Variants in TRMT6 observed in about 807,000 individuals in gnomAD.
TRMT6 encodes tRNA methyltransferase 6 non-catalytic subunit.
A neutral mutation model predicts 59.0 loss-of-function variants in TRMT6; 34 were observed. The ratio of observed to expected loss-of-function variants is 0.58; its 90% CI spans 0.44 to 0.77. TRMT6 has a LOEUF of 0.77. Among genes scored for constraint, TRMT6 ranks in the 30% least tolerant of loss-of-function variants. TRMT6 has a pLI of 0.00. For missense variants in TRMT6, 575 were observed against 604.5 expected, an observed-to-expected ratio of 0.95 and a Z score of 0.51; for synonymous variants, 217 against 210.5, an observed-to-expected ratio of 1.03 and a Z score of -0.27.
chr20:5,941,395 G>T, intron 8 of TRMT6, 50 bp from the exon 9 acceptor site: 1 of 1,360,630 alleles, frequency 7.3e-7, no homozygotes, highest in Non-Finnish European at 1.0e-6. Context: ...TCAAAGTGGA[G>T]CACAGGTTTT....
intron 5 of TRMT6, 92 bp from the exon 6 acceptor site, chr20:5,943,775 T>C (rs2088680455): frequency 1.9e-6 from 3 of 1,550,800 alleles, no homozygotes; most frequent in Non-Finnish European, 2.6e-6. Flanking sequence ...TTTATTAAAA[T>C]TGTGTTGATA....
Position 5,937,465 on chromosome 20 carries a change from C to T in TRMT6, c.*1070G>A, listed in dbSNP as rs909746195. 16 of 152,212 alleles carry T rather than the reference C, an allele frequency of 1.1e-4. No homozygotes were observed. Among genetic ancestry groups the T allele is most frequent in the African/African-American group, 3.6e-4 (15 of 41,450 alleles). 9.4% of individuals were successfully genotyped at this position (152,212 alleles called of 1,614,324 possible). ...AGCCTTGGCTGATTCTAAACACTTT[C>T]TTTGCTACAGCACATGATCAAATGA... On this transcript the variant is annotated 3_prime_UTR_variant, in exon 11 of 11. Transcript: ENST00000203001.
chr20:5,943,485 G>A lies in TRMT6; in HGVS notation c.667+74C>T, dbSNP rs904065178. 3.2e-6 allele frequency: 5 copies of A among 1,580,666 alleles called. No homozygotes were observed. In the East Asian group the frequency reaches 1.1e-4, roughly 35 times the overall value. On this transcript the variant is annotated intron_variant, in intron 6 of 10. Coordinates refer to ENST00000203001, the MANE Select transcript of TRMT6 (RefSeq NM_015939.5). ...GAAGTAATTCAATTTGGCTTTCCAT[G>A]AGTTTACATTTTTGGACCACCTTTA...
rs749096459 is a variant in TRMT6 at position 5,946,550 on chromosome 20, A to AT, written c.129-18dup. The AT allele has an allele frequency of 1.9e-6, 3 of 1,612,248 alleles. No homozygotes were observed. Among genetic ancestry groups the AT allele is most frequent in the Non-Finnish European group, 2.5e-6 (3 of 1,178,404 alleles). ...GTTACTTTTCTAGGGAAAAAAAGTA[A>AT]TCAATTAACTGAATATCTTTTCTAT... On this transcript the variant is annotated splice_polypyrimidine_tract_variant and intron_variant, in intron 1 of 10. Transcript: ENST00000203001.
intron 2 of TRMT6, among the ~76,000 whole-genome samples, chr20:5,945,643 G>T (rs1303405831): frequency 6.6e-6 from 1 of 152,066 alleles, no homozygotes; most frequent in African/African-American, 2.4e-5. Context: ...CATATATTTG[G>T]TGCTTAGTAA....
intron 5 of TRMT6, 66 bp downstream of exon 5, chr20:5,943,882 T>TA: frequency 1.3e-6 from 2 of 1,566,524 alleles, no homozygotes; most frequent in Non-Finnish European, 1.7e-6. Flanking sequence ...TCATTTTACT[T>TA]AAAATCATGA....
chr20:5,941,469 A>C (rs568596412), intron 8 of TRMT6, 124 bp from the exon 9 acceptor site: 122 of 720,918 alleles, frequency 1.7e-4, no homozygotes, highest in Admixed American at 5.2e-4. Flanking sequence ...AGATTTAAAT[A>C]TAACATTCTA....
In TRMT6 at chr20:5,950,267, A is replaced by C. The variant is rs1212609087; in HGVS notation, c.128+11T>G. The C allele has an allele frequency of 1.3e-6, 2 of 1,596,090 alleles. No homozygotes were observed. Among genetic ancestry groups the C allele is most frequent in the Admixed American group, 1.7e-5 (1 of 59,216 alleles). On this transcript the variant is annotated intron_variant, in intron 1 of 10. Coordinates refer to ENST00000203001, the MANE Select transcript of TRMT6 (RefSeq NM_015939.5). ...GGGCGGGAGACCCCTAAAATCAGCGATCTGACTTACTTTCTCCGCTGGACT... is the reference window on the plus strand; with the variant it reads ...GGGCGGGAGACCCCTAAAATCAGCGCTCTGACTTACTTTCTCCGCTGGACT...
chr20:5,950,436 G>C lies in TRMT6; in HGVS notation c.-31C>G. On this transcript the variant is annotated 5_prime_UTR_variant, in exon 1 of 11. Transcript: ENST00000203001. ...TCAGCCGGTCGCCGTGCTCCACGGC[G>C]TCCCGCCCCTCCTCCTCGGTTGTCG... The C allele has an allele frequency of 1.3e-6, 2 of 1,511,958 alleles. No homozygotes were observed. The highest frequency in any genetic ancestry group is 1.8e-6 in the Non-Finnish European group (2 of 1,134,580). The allele number at this position is 1,511,958 out of a possible 1,614,324, so 93.7% of individuals were successfully genotyped here.
At chr20:5,946,359 G>T in intron 2 of TRMT6, 47 bp downstream of exon 2, 1 of 1,612,476 alleles carries the variant, frequency 6.2e-7, no homozygotes, top group South Asian at 1.1e-5. Flanking sequence ...AGATGTTTCT[G>T]ACTAGTCAGT....
intron 1 of TRMT6, 113 bp from the exon 2 acceptor site, chr20:5,946,646 T>G (rs1286629150): frequency 3.2e-6 from 3 of 951,600 alleles, no homozygotes; most frequent in Non-Finnish European, 4.7e-6. Context: ...ATCAGCAGCA[T>G]TATCTCTGAA....
intron 5 of TRMT6, 122 bp downstream of exon 5, chr20:5,943,826 C>A: frequency 1.3e-6 from 2 of 1,515,552 alleles, no homozygotes; most frequent in Non-Finnish European, 1.8e-6. Context: ...AAAGGACTTA[C>A]AATTTATGAG....
intron 3 of TRMT6, 77 bp downstream of exon 3, chr20:5,944,728 C>G: frequency 9.5e-7 from 1 of 1,053,666 alleles, no homozygotes; most frequent in East Asian, 2.4e-5. Flanking sequence ...ACCTTAGGTA[C>G]AGTCTGCTTT....
At chr20:5,944,388 G>A (rs748761774) in intron 3 of TRMT6, 135 bp from the exon 4 acceptor site, 9 of 537,714 alleles carry the variant, frequency 1.7e-5, no homozygotes, top group Admixed American at 3.7e-5. Flanking sequence ...CCAAATAGAT[G>A]AACTTTATAT....
intron 8 of TRMT6, 181 bp from the exon 9 acceptor site, chr20:5,941,526 C>T (rs1018368872): frequency 1.0e-5 from 6 of 597,110 alleles, no homozygotes; most frequent in African/African-American, 3.7e-5. Flanking sequence ...TTCTAGGAAA[C>T]GCGAACTAGG....
At chr20:5,939,486 GAAAAAAA>G (rs376972151) in intron 10 of TRMT6, among the ~76,000 whole-genome samples, 1,004 of 79,018 alleles carry the variant, frequency 0.013, 12 homozygotes, top group African/African-American at 0.038. Flanking sequence ...TCTCAAAAAT[GAAAAAAA>G]AAAAAAAAAG....
chr20:5,942,534 G>A lies in TRMT6; in HGVS notation c.920C>T (p.Ala307Val), dbSNP rs767147092. 1.6e-5 allele frequency: 26 copies of A among 1,613,900 alleles called. No homozygotes were observed. The highest frequency in any genetic ancestry group is 2.1e-5 in the Non-Finnish European group (25 of 1,180,014). Residue 307 changes from alanine to valine, a missense_variant, in exon 7 of 11, where the codon GCA becomes GTA. By Grantham distance (64) the Ala-to-Val change is moderately conservative. Coordinates refer to ENST00000203001, the MANE Select transcript of TRMT6 (RefSeq NM_015939.5). Reference protein sequence around the residue: ...ASEQENEDSMAEAPESNHPED... With the variant: ...ASEQENEDSMVEAPESNHPED... ...TGGGTGGTTGCTCTCTGGGGCCTCT[G>A]CCATGCTGTCTTCATTCTCTTGTTC...
At position 5,950,364 on chromosome 20, in the gene TRMT6, A is replaced by G. The variant is rs760345613; in HGVS notation, c.42T>C (p.His14=). The G allele has an allele frequency of 1.9e-6, 3 of 1,610,306 alleles. No individual in the cohort carries two copies. The African/African-American group carries it at 4.0e-5, about 22-fold the overall frequency. ...CGTCGCGGATGCGGTGGTCTCCGGG[A>G]TGCTGTGGTTGTGGGCCCGGCTGCT... is the stretch of plus-strand genomic sequence containing the variant. ...SGEQPGPQPQ[H]PGDHRIRDGD... is the part of the protein sequence containing the mutation. The change falls in exon 1 of 11, where the codon CAT becomes CAC. Residue 14 remains histidine (H), a synonymous_variant. Transcript: ENST00000203001.
rs377576850 is a variant in TRMT6 at position 5,941,038 on chromosome 20, T to C, written c.1302+15A>G. The C allele has an allele frequency of 8.7e-6, 14 of 1,607,976 alleles. No individual in the cohort carries two copies. The highest frequency in any genetic ancestry group is 1.1e-5 in the Non-Finnish European group (13 of 1,174,532). On this transcript the variant is annotated intron_variant, in intron 10 of 10. Transcript: ENST00000203001. ...CGGGAGGGCAGCTCTTGGGACTGGCTGTAAGAACACGTACCTGATAATTTC... is the reference window on the plus strand; with the variant it reads ...CGGGAGGGCAGCTCTTGGGACTGGCCGTAAGAACACGTACCTGATAATTTC...
Sources: allele counts gnomAD v4.1 joint callset (sites outside exome capture counted in the v4.1 genomes callset), GRCh38; gene constraint gnomAD v4.1.1; transcripts MANE v1.5; gene names NCBI Gene and HGNC (gene_info 2026-07-23, HGNC 2026-07-21).